The following SPMIP4 variants were observed in gnomAD, a reference collection of about 807,000 sequenced individuals.
The protein encoded by SPMIP4 is sperm-associated microtubule inner protein 4.
the SPMIP4 span, among the ~76,000 whole-genome samples, chr7:25,129,471 C>A: frequency 3.3e-5 from 5 of 152,192 alleles, no homozygotes; most frequent in African/African-American, 1.2e-4. Flanking sequence ...CGCAAGCACA[C>A]TGATTCTCTA....
chr7:25,143,135 A>C, the SPMIP4 span, among the ~76,000 whole-genome samples: 1 of 152,210 alleles, frequency 6.6e-6, no homozygotes, highest in African/African-American at 2.4e-5. Flanking sequence ...AAAGGGCTCT[A>C]AGGTGGTCTT....
chr7:25,177,267 G>A, the SPMIP4 span, among the ~76,000 whole-genome samples: 14 of 152,126 alleles, frequency 9.2e-5, no homozygotes, highest in Non-Finnish European at 2.1e-4. Context: ...TGGATCACGA[G>A]GTCAGGAGAT....
At chr7:25,141,637 CTAGT>C in the SPMIP4 span, among the ~76,000 whole-genome samples, 2 of 145,636 alleles carry the variant, frequency 1.4e-5, no homozygotes, top group African/African-American at 5.1e-5. Flanking sequence ...CATTAAATCA[CTAGT>C]TAAATTCTTT....
the SPMIP4 span, among the ~76,000 whole-genome samples, chr7:25,139,737 G>C: frequency 6.6e-6 from 1 of 152,168 alleles, no homozygotes; most frequent in Non-Finnish European, 1.5e-5. Flanking sequence ...AAAAAGGACA[G>C]GACTTATCAT....
the SPMIP4 span, among the ~76,000 whole-genome samples, chr7:25,163,527 C>T: frequency 3.7e-4 from 57 of 152,302 alleles, no homozygotes; most frequent in African/African-American, 1.3e-3. The surrounding 1 kb of genome is among the most constrained non-coding windows in gnomAD (Gnocchi z 4.4). Flanking sequence ...CAGGTTTTCT[C>T]CAGTCACCCT....
the SPMIP4 span, among the ~76,000 whole-genome samples, chr7:25,174,519 C>T: frequency 1.3e-5 from 2 of 152,052 alleles, no homozygotes; most frequent in African/African-American, 2.4e-5. This position sits in a 1 kb window ranked among gnomAD's most constrained non-coding sequence, Gnocchi z 4.5. Flanking sequence ...TACTAGGAGG[C>T]GTGACTAGAG....
chr7:25,127,661 ATC>A, the SPMIP4 span, among the ~76,000 whole-genome samples: 1,407 of 152,198 alleles, frequency 9.2e-3, 18 homozygotes, highest in African/African-American at 0.032. Flanking sequence ...AAAGTCACAT[ATC>A]TCTTTCTCTC....
the SPMIP4 span, among the ~76,000 whole-genome samples, chr7:25,168,801 C>T: frequency 6.7e-6 from 1 of 150,222 alleles, no homozygotes; most frequent in African/African-American, 2.5e-5. Flanking sequence ...TCTTGGCTCA[C>T]TGCAGCCTCT....
the SPMIP4 span, among the ~76,000 whole-genome samples, chr7:25,149,080 A>G: frequency 6.6e-6 from 1 of 152,350 alleles, no homozygotes; most frequent in South Asian, 2.1e-4. Flanking sequence ...GCACAAGAGT[A>G]GGTTACAGTC....
At chr7:25,136,345 A>C in the SPMIP4 span, 1 of 1,614,216 alleles carries the variant, frequency 6.2e-7, no homozygotes, top group Non-Finnish European at 8.5e-7. This position sits in a 1 kb window ranked among gnomAD's most constrained non-coding sequence, Gnocchi z 5.7. Flanking sequence ...GGGAGATTTA[A>C]GATTTTCATA....
chr7:25,156,717 T>C, the SPMIP4 span, among the ~76,000 whole-genome samples: 6 of 152,284 alleles, frequency 3.9e-5, no homozygotes, highest in Non-Finnish European at 8.8e-5. Flanking sequence ...AGACAGAGTC[T>C]TGCTCTGTCA....
At chr7:25,129,700 T>C in the SPMIP4 span, among the ~76,000 whole-genome samples, 1 of 152,134 alleles carries the variant, frequency 6.6e-6, no homozygotes, top group African/African-American at 2.4e-5. Context: ...GGCTTCCATT[T>C]GGCCATCTTG....
the SPMIP4 span, among the ~76,000 whole-genome samples, chr7:25,143,067 G>A: frequency 4.6e-5 from 7 of 152,184 alleles, no homozygotes; most frequent in Non-Finnish European, 8.8e-5. Flanking sequence ...CTTTGATAAT[G>A]TGTATTGGAG....
chr7:25,130,500 A>C, the SPMIP4 span, among the ~76,000 whole-genome samples: 201 of 151,970 alleles, frequency 1.3e-3, no homozygotes, highest in African/African-American at 4.7e-3. Flanking sequence ...TTCTAGTAGA[A>C]ACAGGGTTTC....
chr7:25,159,802 G>C, the SPMIP4 span, among the ~76,000 whole-genome samples: 1 of 152,134 alleles, frequency 6.6e-6, no homozygotes, highest in Non-Finnish European at 1.5e-5. Flanking sequence ...GAAAGATGGT[G>C]GGGGCACAAA....
chr7:25,126,214 A>T, the SPMIP4 span, among the ~76,000 whole-genome samples: 10 of 152,260 alleles, frequency 6.6e-5, 1 homozygote, highest in Non-Finnish European at 1.5e-5. Flanking sequence ...TTAATGTACA[A>T]TAAATTATTG....
the SPMIP4 span, among the ~76,000 whole-genome samples, chr7:25,140,146 A>G: frequency 6.6e-6 from 1 of 152,268 alleles, no homozygotes; most frequent in Non-Finnish European, 1.5e-5. Flanking sequence ...ATACTTAGAG[A>G]ATGCTCATTG....
At chr7:25,152,797 G>A in the SPMIP4 span, among the ~76,000 whole-genome samples, 1 of 142,380 alleles carries the variant, frequency 7.0e-6, no homozygotes, top group South Asian at 2.3e-4. Context: ...AGGCTGGAGT[G>A]CAGTGGCATG....
the SPMIP4 span, among the ~76,000 whole-genome samples, chr7:25,150,152 G>C: frequency 6.6e-6 from 1 of 152,044 alleles, no homozygotes; most frequent in Non-Finnish European, 1.5e-5. Context: ...TAAGGCATAG[G>C]GATTTACACT....
Sources: gnomAD v4.1 joint callset for allele counts (sites outside exome capture counted in the v4.1 genomes callset) on GRCh38, gnomAD v4.1.1 for gene constraint, Gnocchi (gnomAD v3.1) non-coding constraint, MANE v1.5 for transcripts, NCBI Gene and HGNC (gene_info 2026-07-23, HGNC 2026-07-21) for gene names.